The following TBC1D1 variants were observed in gnomAD, a reference collection of about 807,000 sequenced individuals.
TBC1D1 encodes the protein TBC1 (tre-2/USP6, BUB2, cdc16) domain family, member 1.
A neutral mutation model predicts 125.6 loss-of-function variants in TBC1D1; 89 were observed. The ratio of observed to expected loss-of-function variants is 0.71; its 90% CI spans 0.60 to 0.85. The LOEUF (loss-of-function observed/expected upper bound fraction) is 0.85. Among genes scored for constraint, TBC1D1 ranks in the 40% least tolerant of loss-of-function variants. TBC1D1 has a pLI of 0.00. For missense variants in TBC1D1, 1,377 were observed against 1,469.2 expected (o/e 0.94, Z 1.03); for synonymous variants, 565 against 564.1 (o/e 1.00, Z -0.02).
intron 11 of TBC1D1, among the ~76,000 whole-genome samples, 157 bp from the exon 13 acceptor site, chr4:38,052,949 A>G (rs1751023468): frequency 6.6e-6 from 1 of 152,210 alleles, no homozygotes. Flanking sequence ...GTGAAAATGA[A>G]AATTAAATCT....
chr4:37,977,210 T>C lies in TBC1D1; in HGVS notation c.418-37299T>C, dbSNP rs1343269932. 6.6e-6 allele frequency: 1 copy of C among 150,756 alleles called. No individual in the cohort carries two copies. The highest frequency in any genetic ancestry group is 2.4e-5 in the African/African-American group (1 of 40,878). 9.3% of individuals were successfully genotyped at this position (150,756 alleles called of 1,614,324 possible). Reference sequence around the variant, plus strand: ...TCCCGCCAGCAGCGGAGCGCGGGGGTGGGCGGGGTCGGCTGCGCGCCCTCC... The same window carrying C: ...TCCCGCCAGCAGCGGAGCGCGGGGGCGGGCGGGGTCGGCTGCGCGCCCTCC... On this transcript the variant is annotated intron_variant, in intron 2 of 19. Transcript: ENST00000261439. The surrounding 1 kb of genome is among the most constrained non-coding windows in gnomAD (Gnocchi z 4.3).
At chr4:38,118,643 C>G (rs892110317) in intron 17 of TBC1D1, 7 of 155,184 alleles carry the variant, frequency 4.5e-5, no homozygotes, top group Non-Finnish European at 1.0e-4. Context: ...GCCCTTGGCT[C>G]TACACTTTCT....
chr4:38,056,932 C>T (rs1216274128), intron 12 of TBC1D1, among the ~76,000 whole-genome samples: 1 of 152,104 alleles, frequency 6.6e-6, no homozygotes, highest in Non-Finnish European at 1.5e-5. Context: ...GTCTGGTGAC[C>T]AGTAAGTTGT....
intron 2 of TBC1D1, among the ~76,000 whole-genome samples, chr4:37,976,824 G>A (rs114643885): frequency 0.015 from 2,317 of 152,254 alleles, 62 homozygotes; most frequent in African/African-American, 0.052. Flanking sequence ...GAGCTAAATG[G>A]TTCTTTTTCC....
chr4:37,933,706 G>T (rs962261929), intron 2 of TBC1D1, among the ~76,000 whole-genome samples: 4 of 152,176 alleles, frequency 2.6e-5, no homozygotes, highest in African/African-American at 9.7e-5. Flanking sequence ...ATGTTTAACA[G>T]TGATTCAACT....
At chr4:37,930,018 A>G (rs1307844374) in intron 2 of TBC1D1, among the ~76,000 whole-genome samples, 1 of 152,212 alleles carries the variant, frequency 6.6e-6, no homozygotes, top group Non-Finnish European at 1.5e-5. Context: ...CGGCAGTTCC[A>G]TTCCTAAGAA....
chr4:37,918,493 G>C (rs185146834), intron 2 of TBC1D1, among the ~76,000 whole-genome samples: 1 of 151,314 alleles, frequency 6.6e-6, no homozygotes, highest in African/African-American at 2.4e-5. Flanking sequence ...TGTCTCCCAG[G>C]CTGGGGTGCA....
At chr4:38,063,909 G>A (rs1185189077) in intron 12 of TBC1D1, among the ~76,000 whole-genome samples, 2 of 152,128 alleles carry the variant, frequency 1.3e-5, no homozygotes, top group African/African-American at 2.4e-5. Flanking sequence ...GATTACAGGC[G>A]TGAGCCCGAC....
chr4:38,054,583 A>G (rs1578456519), intron 12 of TBC1D1, among the ~76,000 whole-genome samples: 1 of 152,224 alleles, frequency 6.6e-6, no homozygotes, highest in Non-Finnish European at 1.5e-5. Flanking sequence ...TAGAGTGGTC[A>G]CAGTGTTAAC....
intron 2 of TBC1D1, among the ~76,000 whole-genome samples, chr4:37,991,632 TC>T (rs60596313): frequency 0.45 from 48,798 of 108,066 alleles, 8,679 homozygotes; most frequent in East Asian, 0.69. Flanking sequence ...CTCTTCTCTC[TC>T]TTTTTTTTTT....
At chr4:38,016,597 C>T (rs1334902460) in intron 3 of TBC1D1, among the ~76,000 whole-genome samples, 1 of 152,172 alleles carries the variant, frequency 6.6e-6, no homozygotes, top group Non-Finnish European at 1.5e-5. Context: ...TTTTATGTCC[C>T]ACATGCCCCC....
At chr4:37,964,826 A>T (rs1250283597) in intron 2 of TBC1D1, among the ~76,000 whole-genome samples, 1 of 152,134 alleles carries the variant, frequency 6.6e-6, no homozygotes, top group African/African-American at 2.4e-5. Flanking sequence ...TTTGTATCTC[A>T]TCTAGCTAGC....
chr4:37,943,477 C>G (rs1191417417), intron 2 of TBC1D1, among the ~76,000 whole-genome samples: 1 of 152,228 alleles, frequency 6.6e-6, no homozygotes, highest in Non-Finnish European at 1.5e-5. Flanking sequence ...GTACACCAAT[C>G]AGACGTAGAT....
Position 38,014,760 on chromosome 4 carries a change from G to A in TBC1D1, c.669G>A (p.Gly223=), listed in dbSNP as rs765238323. The change falls in exon 3 of 20, where the codon GGG becomes GGA. Residue 223 remains glycine (G), a synonymous_variant. Transcript: ENST00000261439. The surrounding 1 kb of genome is among the most constrained non-coding windows in gnomAD (Gnocchi z 5.1). The stretch of plus-strand genomic sequence containing the variant: ...ACCCGCCCCATGCCGCGCCCACAGG[G>A]AGCCAGGAGCCTGTGCGCAGGCCCA... The A allele has an allele frequency of 6.2e-7, 1 of 1,611,056 alleles. No homozygotes were observed. Among genetic ancestry groups the A allele is most frequent in the Non-Finnish European group, 8.5e-7 (1 of 1,178,972 alleles).
chr4:37,973,726 CAT>C (rs1732507001), intron 2 of TBC1D1, among the ~76,000 whole-genome samples: 1 of 152,230 alleles, frequency 6.6e-6, no homozygotes, highest in African/African-American at 2.4e-5. Context: ...TGAACTGGTT[CAT>C]ACCAGCCCAA....
intron 14 of TBC1D1, among the ~76,000 whole-genome samples, chr4:38,101,428 C>A (rs913126602): frequency 6.6e-6 from 1 of 152,164 alleles, no homozygotes; most frequent in Non-Finnish European, 1.5e-5. Flanking sequence ...AATTTTGGTT[C>A]AAAACTGTCA....
intron 14 of TBC1D1, among the ~76,000 whole-genome samples, chr4:38,102,513 G>A (rs1412054650): frequency 6.6e-6 from 1 of 152,014 alleles, no homozygotes; most frequent in African/African-American, 2.4e-5. Flanking sequence ...AGAATAGGGG[G>A]TGGAAGTAGG....
intron 2 of TBC1D1, among the ~76,000 whole-genome samples, chr4:37,953,514 T>A (rs1728307185): frequency 6.6e-6 from 1 of 152,194 alleles, no homozygotes; most frequent in South Asian, 2.1e-4. Flanking sequence ...ATTCAATAAT[T>A]TTGCAATTAA....
intron 14 of TBC1D1, among the ~76,000 whole-genome samples, chr4:38,100,594 G>A (rs1760134399): frequency 6.6e-6 from 1 of 152,162 alleles, no homozygotes. Flanking sequence ...TCTCTTTTGA[G>A]GGGACACCAT....
Sources: gnomAD v4.1 joint callset for allele counts (sites outside exome capture counted in the v4.1 genomes callset) on GRCh38, gnomAD v4.1.1 for gene constraint, Gnocchi (gnomAD v3.1) non-coding constraint, MANE v1.5 for transcripts, NCBI Gene and HGNC (gene_info 2026-07-23, HGNC 2026-07-21) for gene names.